NRXN1: variants seen among roughly 807,000 people sequenced by gnomAD.
NRXN1 encodes neurexin 1.
NRXN1 carries 39 observed loss-of-function variants against 150.9 expected under a neutral mutation model. That is an observed-to-expected ratio of 0.26 (90% CI 0.20 to 0.34). NRXN1 has a LOEUF of 0.34. Among genes scored for constraint, NRXN1 ranks in the 10% least tolerant of loss-of-function variants. NRXN1 has a pLI of 1.00. For synonymous variants in NRXN1, 924 were observed against 757.0 expected, an observed-to-expected ratio of 1.22 and a Z score of -3.62; for missense variants, 1,815 against 1,949.9, an observed-to-expected ratio of 0.93 and a Z score of 1.30.
chr2:50,355,208 A>T (rs1027336849), intron 17 of NRXN1, among the ~76,000 whole-genome samples: 8 of 150,336 alleles, frequency 5.3e-5, no homozygotes, highest in African/African-American at 1.9e-4. Flanking sequence ...CTATAATCTA[A>T]TCCCCACCCA....
chr2:50,944,251 G>A (rs977626727), intron 2 of NRXN1, among the ~76,000 whole-genome samples: 1 of 152,092 alleles, frequency 6.6e-6, no homozygotes, highest in Non-Finnish European at 1.5e-5. Flanking sequence ...TTTAGGCACT[G>A]GTTACACAAA....
intron 5 of NRXN1, among the ~76,000 whole-genome samples, chr2:50,846,678 AC>A (rs1284057864): frequency 3.9e-5 from 6 of 152,210 alleles, no homozygotes; most frequent in African/African-American, 1.4e-4. Flanking sequence ...TGTTTTTACT[AC>A]AAAAGCAACA....
chr2:50,734,925 C>G (rs1574286888), intron 5 of NRXN1, among the ~76,000 whole-genome samples: 1 of 152,190 alleles, frequency 6.6e-6, no homozygotes, highest in Non-Finnish European at 1.5e-5. Flanking sequence ...AGTTGAAAGA[C>G]CAGCCTTTTA....
chr2:50,642,498 C>T (rs1162770947), intron 5 of NRXN1, among the ~76,000 whole-genome samples: 2 of 151,828 alleles, frequency 1.3e-5, no homozygotes, highest in Non-Finnish European at 2.9e-5. Context: ...AAGGTGACAT[C>T]ATGAAGAATA....
chr2:50,784,810 G>T (rs1321904518), intron 5 of NRXN1, among the ~76,000 whole-genome samples: 1 of 152,044 alleles, frequency 6.6e-6, no homozygotes. Flanking sequence ...AAGGGTGATG[G>T]TAATAGTGAG....
intron 21 of NRXN1, among the ~76,000 whole-genome samples, chr2:50,033,031 C>A (rs1231751874): frequency 6.6e-6 from 1 of 151,434 alleles, no homozygotes; most frequent in Non-Finnish European, 1.5e-5. Context: ...TATGTATACA[C>A]ACATATATAT....
intron 18 of NRXN1, among the ~76,000 whole-genome samples, chr2:50,116,055 C>T (rs1478084899): frequency 6.6e-6 from 1 of 151,984 alleles, no homozygotes; most frequent in Non-Finnish European, 1.5e-5. Flanking sequence ...TCCTAAGGCT[C>T]GACCTCTTTT....
intron 17 of NRXN1, among the ~76,000 whole-genome samples, chr2:50,388,864 T>TA (rs200719965): frequency 3.4e-4 from 50 of 147,794 alleles, no homozygotes; most frequent in Non-Finnish European, 4.5e-4. Flanking sequence ...AACAGCAAAG[T>TA]AAAAAAAAAA....
chr2:50,322,463 T>C (rs2076110223), intron 17 of NRXN1, among the ~76,000 whole-genome samples: 1 of 152,184 alleles, frequency 6.6e-6, no homozygotes, highest in South Asian at 2.1e-4. Flanking sequence ...TGCAAACACA[T>C]TTTAAACAAG....
At position 50,687,978 on chromosome 2, in the gene NRXN1, C is replaced by T. The variant is rs865835131; in HGVS notation, c.833-64363G>A. 3.9e-5 allele frequency among the ~76,000 whole-genome samples: 6 copies of T among 152,168 alleles called. No individual in the cohort carries two copies. The Middle Eastern group carries it at 0.017, about 431-fold the overall frequency. ...CTTCATATCGAGATGGAGGGCATTGCCTGAAAGAACGAAAATTTAGCACTA... is the reference window on the plus strand; with the variant it reads ...CTTCATATCGAGATGGAGGGCATTGTCTGAAAGAACGAAAATTTAGCACTA... On this transcript the variant is annotated intron_variant, in intron 5 of 22. Coordinates refer to ENST00000401669, the MANE Select transcript of NRXN1 (RefSeq NM_001330078.2).
intron 5 of NRXN1, among the ~76,000 whole-genome samples, chr2:50,713,003 T>C (rs1036404011): frequency 9.8e-5 from 15 of 152,304 alleles, no homozygotes; most frequent in African/African-American, 3.1e-4. Flanking sequence ...TGTGCTTGTA[T>C]ATCTGAGAGT....
At chr2:50,159,084 T>C (rs188360873) in intron 18 of NRXN1, among the ~76,000 whole-genome samples, 2 of 152,152 alleles carry the variant, frequency 1.3e-5, no homozygotes, top group Admixed American at 6.6e-5. Context: ...TTTGTTGTTG[T>C]TGTTGTTGTT....
rs937908524 is a variant in NRXN1, at chr2:50,083,909, C to T, written c.3718+7414G>A. 5.3e-5 allele frequency among the ~76,000 whole-genome samples: 8 copies of T among 152,092 alleles called. 1 individual carries two copies. The highest frequency in any genetic ancestry group is 2.0e-4 in the Admixed American group (3 of 15,260). On this transcript the variant is annotated intron_variant, in intron 19 of 22. Transcript: ENST00000401669. ...GGTAGACATAAAGGTTCTCCAAGTC[C>T]GCACCAGATCAGCTAGACACAGAGC...
intron 17 of NRXN1, among the ~76,000 whole-genome samples, chr2:50,448,119 T>A (rs764585976): frequency 5.3e-5 from 8 of 151,894 alleles, no homozygotes; most frequent in Non-Finnish European, 1.2e-4. Flanking sequence ...AGGTGAAAAA[T>A]CTAAAAATAT....
chr2:50,462,762 T>C (rs1169409927), intron 17 of NRXN1, among the ~76,000 whole-genome samples: 1 of 151,854 alleles, frequency 6.6e-6, no homozygotes, highest in Non-Finnish European at 1.5e-5. Context: ...TTAATTAGTA[T>C]GATTTATCCA....
At chr2:50,953,424 G>A (rs972426633) in intron 2 of NRXN1, among the ~76,000 whole-genome samples, 13 of 152,074 alleles carry the variant, frequency 8.5e-5, no homozygotes, top group Non-Finnish European at 1.6e-4. Context: ...GCAACAAATG[G>A]TATAAGCATT....
At chr2:50,039,176 C>G (rs1430347134) in intron 21 of NRXN1, among the ~76,000 whole-genome samples, 1 of 151,980 alleles carries the variant, frequency 6.6e-6, no homozygotes, top group Non-Finnish European at 1.5e-5. Flanking sequence ...GACTCCATCT[C>G]AAACAAACAA....
intron 2 of NRXN1, among the ~76,000 whole-genome samples, chr2:50,938,362 A>ATC (rs1327554471): frequency 6.6e-6 from 1 of 152,190 alleles, no homozygotes; most frequent in Non-Finnish European, 1.5e-5. Flanking sequence ...TTGTTGACTA[A>ATC]AACGCTGTTA....
chr2:50,502,827 T>C (rs1573288558), intron 13 of NRXN1, among the ~76,000 whole-genome samples: 1 of 152,256 alleles, frequency 6.6e-6, no homozygotes, highest in African/African-American at 2.4e-5. Flanking sequence ...GTATATATAC[T>C]TGAATACATT....
Sources: allele counts gnomAD v4.1 joint callset (sites outside exome capture counted in the v4.1 genomes callset), GRCh38; gene constraint gnomAD v4.1.1; transcripts MANE v1.5; gene names NCBI Gene and HGNC (gene_info 2026-07-23, HGNC 2026-07-21).